WDR70: variants seen among roughly 807,000 people sequenced by gnomAD.
WDR70 encodes the protein WD repeat domain 70.
Under a neutral mutation model 88.6 loss-of-function variants are expected in WDR70, and 53 were observed. That is an observed-to-expected ratio of 0.60 (90% confidence interval 0.48 to 0.75). The LOEUF (loss-of-function observed/expected upper bound fraction) is 0.75. Ranked by LOEUF, WDR70 falls within the 30% of genes least tolerant of loss-of-function variation. The probability of loss-of-function intolerance (pLI) is 0.00; values close to 1 mark genes in which losing one functional copy is unlikely to be tolerated. For synonymous variants in WDR70, 280 were observed against 270.0 expected (o/e 1.04, Z -0.36); for missense variants, 610 against 823.2 (o/e 0.74, Z 3.17).
intron 10 of WDR70, among the ~76,000 whole-genome samples, chr5:37,626,958 T>G (rs1264203700): frequency 6.6e-6 from 1 of 152,182 alleles, no homozygotes; most frequent in Non-Finnish European, 1.5e-5. Context: ...TGGTGTCCAT[T>G]GTGACATATC....
intron 9 of WDR70, among the ~76,000 whole-genome samples, chr5:37,559,539 C>T (rs904442744): frequency 6.6e-6 from 1 of 152,026 alleles, no homozygotes; most frequent in Non-Finnish European, 1.5e-5. Context: ...ATGTGTTAGT[C>T]AGTAGGAGTA....
chr5:37,749,841 C>CAA (rs1385920363), intron 17 of WDR70, among the ~76,000 whole-genome samples: 2 of 146,446 alleles, frequency 1.4e-5, no homozygotes, highest in Non-Finnish European at 1.5e-5. Context: ...AAAAAAAAAA[C>CAA]CAAAAACGCA....
chr5:37,416,633 G>T (rs1312298092), intron 5 of WDR70, among the ~76,000 whole-genome samples: 2 of 150,862 alleles, frequency 1.3e-5, no homozygotes, highest in African/African-American at 2.4e-5. Flanking sequence ...AGGCTGGAGT[G>T]CAATGGGGTG....
chr5:37,649,741 T>C (rs1050310938), intron 10 of WDR70, among the ~76,000 whole-genome samples: 4 of 112,198 alleles, frequency 3.6e-5, no homozygotes, highest in African/African-American at 1.2e-4. Flanking sequence ...TTCTTTTTTT[T>C]TTTTTTTTTT....
chr5:37,468,009 T>A (rs139139448), intron 7 of WDR70, among the ~76,000 whole-genome samples: 3 of 150,044 alleles, frequency 2.0e-5, no homozygotes, highest in African/African-American at 4.9e-5. Flanking sequence ...CCACCGCGCC[T>A]GGCCTAATTT....
At chr5:37,584,319 T>G (rs1743304553) in intron 9 of WDR70, among the ~76,000 whole-genome samples, 1 of 152,238 alleles carries the variant, frequency 6.6e-6, no homozygotes, top group South Asian at 2.1e-4. Flanking sequence ...ATTTCACGAT[T>G]TCTTCGAATA....
intron 10 of WDR70, among the ~76,000 whole-genome samples, chr5:37,694,301 G>A (rs1354268630): frequency 6.6e-6 from 1 of 152,200 alleles, no homozygotes; most frequent in South Asian, 2.1e-4. Flanking sequence ...GATTCCTCAA[G>A]GGCCTAGAAC....
intron 9 of WDR70, among the ~76,000 whole-genome samples, chr5:37,584,662 A>T (rs941771374): frequency 3.3e-5 from 5 of 152,144 alleles, no homozygotes; most frequent in African/African-American, 1.2e-4. Flanking sequence ...GGCATTAAAA[A>T]TAAAGAATAA....
intron 10 of WDR70, among the ~76,000 whole-genome samples, chr5:37,607,487 A>T (rs1234033457): frequency 6.6e-6 from 1 of 152,192 alleles, no homozygotes; most frequent in Non-Finnish European, 1.5e-5. Flanking sequence ...AACAAAACAT[A>T]TCTTTTTAGA....
chr5:37,682,748 G>C lies in WDR70; in HGVS notation c.1093-14907G>C, dbSNP rs756394355. Among the ~76,000 whole-genome samples, 65 of 151,954 alleles carry C rather than the reference G, an allele frequency of 4.3e-4. 1 individual carries two copies. Among genetic ancestry groups the C allele is most frequent in the Non-Finnish European group, 1.5e-4 (10 of 67,966 alleles). ...GTATGGCTTTTTGAGTGGTTTTCTT[G>C]GTCTTGATTCCTAATTTTATTCAGT... On this transcript the variant is annotated intron_variant, in intron 10 of 17. Transcript: ENST00000265107.
chr5:37,484,286 ACT>A (rs1273173755), intron 8 of WDR70, among the ~76,000 whole-genome samples: 3 of 152,146 alleles, frequency 2.0e-5, no homozygotes, highest in African/African-American at 7.2e-5. Context: ...AGTGAACGAG[ACT>A]CTGTCTGCAA....
At chr5:37,551,727 C>CA (rs111767188) in intron 9 of WDR70, among the ~76,000 whole-genome samples, 6,174 of 97,120 alleles carry the variant, frequency 0.064, 438 homozygotes, top group African/African-American at 0.18. Flanking sequence ...GACTCTTTCT[C>CA]AAAAAAAAAA....
At chr5:37,610,286 T>A (rs553207314) in intron 10 of WDR70, among the ~76,000 whole-genome samples, 23 of 149,190 alleles carry the variant, frequency 1.5e-4, no homozygotes, top group African/African-American at 4.4e-4. Flanking sequence ...AAAAAAAAAA[T>A]TTGTTTTTAT....
At chr5:37,564,570 A>ACCGTG (rs1227146659) in intron 9 of WDR70, among the ~76,000 whole-genome samples, 1 of 146,604 alleles carries the variant, frequency 6.8e-6, no homozygotes, top group Admixed American at 6.7e-5. Flanking sequence ...GGAGAGGGAG[A>ACCGTG]GGGAGAGGAG....
intron 3 of WDR70, among the ~76,000 whole-genome samples, chr5:37,391,420 C>T (rs1401365822): frequency 6.6e-6 from 1 of 152,136 alleles, no homozygotes; most frequent in African/African-American, 2.4e-5. Flanking sequence ...TTCATTTCCC[C>T]TCCCTCTAGC....
At chr5:37,729,803 T>C (rs1009486184) in intron 17 of WDR70, among the ~76,000 whole-genome samples, 1 of 152,170 alleles carries the variant, frequency 6.6e-6, no homozygotes, top group Non-Finnish European at 1.5e-5. Context: ...ACTATGGTTC[T>C]AGGAGTCAGA....
chr5:37,747,682 G>A (rs569507335), intron 17 of WDR70, among the ~76,000 whole-genome samples: 1 of 152,132 alleles, frequency 6.6e-6, no homozygotes, highest in African/African-American at 2.4e-5. Flanking sequence ...CAGATAGGAA[G>A]AGAGGAAGTC....
intron 9 of WDR70, among the ~76,000 whole-genome samples, chr5:37,538,153 A>G (rs1741715362): frequency 6.6e-6 from 1 of 152,170 alleles, no homozygotes; most frequent in Non-Finnish European, 1.5e-5. Flanking sequence ...GTTTTAAATT[A>G]GGATCATTTT....
intron 8 of WDR70, among the ~76,000 whole-genome samples, chr5:37,482,611 C>T (rs1739707664): frequency 6.6e-6 from 1 of 152,142 alleles, no homozygotes; most frequent in South Asian, 2.1e-4. Context: ...TGGGTGGGGA[C>T]ACATCCAAAC....
Sources: gnomAD v4.1 joint callset for allele counts (sites outside exome capture counted in the v4.1 genomes callset) on GRCh38, gnomAD v4.1.1 for gene constraint, MANE v1.5 for transcripts, NCBI Gene and HGNC (gene_info 2026-07-23, HGNC 2026-07-21) for gene names.